Variants in TAFA4 observed in about 807,000 individuals in gnomAD.
TAFA4 encodes chemokine-like protein TAFA-4.
A neutral mutation model predicts 21.1 loss-of-function variants in TAFA4; 20 were observed. The observed-to-expected ratio is 0.95, with a 90% CI of 0.67 to 1.38. TAFA4 has a LOEUF of 1.38. Ranked by LOEUF, TAFA4 falls within the 40% of genes most tolerant of loss-of-function variation. TAFA4 has a pLI of 0.00. For synonymous variants in TAFA4, 71 were observed against 67.4 expected (o/e 1.05, Z -0.26); for missense variants, 211 against 180.9 (o/e 1.17, Z -0.95).
intron 3 of TAFA4, among the ~76,000 whole-genome samples, chr3:68,807,802 T>A (rs1339311405): frequency 6.6e-6 from 1 of 152,162 alleles, no homozygotes; most frequent in African/African-American, 2.4e-5. Context: ...TGTATTAAGT[T>A]CACCAACCTA....
At chr3:68,904,732 G>A (rs891965937) in intron 1 of TAFA4, among the ~76,000 whole-genome samples, 1 of 152,132 alleles carries the variant, frequency 6.6e-6, no homozygotes, top group South Asian at 2.1e-4. Flanking sequence ...ATCATCCACC[G>A]AAGGACAGGA....
chr3:68,758,030 C>CTAAT (rs1203751318), intron 3 of TAFA4, among the ~76,000 whole-genome samples: 2 of 152,042 alleles, frequency 1.3e-5, no homozygotes, highest in East Asian at 3.9e-4. Flanking sequence ...CAGAAATTAA[C>CTAAT]TAATTCACCC....
chr3:68,733,730 C>G (rs1251783890), intron 5 of TAFA4, among the ~76,000 whole-genome samples: 1 of 152,050 alleles, frequency 6.6e-6, no homozygotes, highest in Non-Finnish European at 1.5e-5. Flanking sequence ...AGTCAATATA[C>G]CAGCACAGGT....
chr3:68,885,737 C>G (rs1373936735), intron 1 of TAFA4, among the ~76,000 whole-genome samples: 1 of 152,116 alleles, frequency 6.6e-6, no homozygotes, highest in African/African-American at 2.4e-5. Context: ...ATCTGAATTC[C>G]TGGATTTGTG....
Position 68,884,643 on chromosome 3 carries a change from C to CATGCAAATTACCCAAGCATGCAATT in TAFA4, c.14+531_14+532insAATTGCATGCTTGGGTAATTTGCAT. ...TCCCAAGACATGCAATTTACCCAAG[C>CATGCAAATTACCCAAGCATGCAATT]TCACAGAGCAGTGAAAAAGCCAGCA... On this transcript the variant is annotated intron_variant, in intron 2 of 5. Coordinates refer to ENST00000295569, the MANE Select transcript of TAFA4 (RefSeq NM_182522.5). Among the ~76,000 whole-genome samples, 5 of 152,352 alleles carry CATGCAAATTACCCAAGCATGCAATT rather than the reference C, an allele frequency of 3.3e-5. No individual in the cohort carries two copies. The East Asian group carries it at 9.6e-4, about 29-fold the overall frequency.
chr3:68,831,566 G>A (rs1039508284), intron 3 of TAFA4, among the ~76,000 whole-genome samples: 7 of 152,014 alleles, frequency 4.6e-5, no homozygotes, highest in African/African-American at 7.2e-5. Flanking sequence ...TTAGTCTGAC[G>A]GGCTTCCCTT....
At chr3:68,903,918 T>C (rs1013105692) in intron 1 of TAFA4, among the ~76,000 whole-genome samples, 1 of 152,118 alleles carries the variant, frequency 6.6e-6, no homozygotes, top group Non-Finnish European at 1.5e-5. Flanking sequence ...CTTTCCTCCT[T>C]TCCATCCCAT....
intron 1 of TAFA4, among the ~76,000 whole-genome samples, chr3:68,895,789 A>T (rs2089782374): frequency 6.6e-6 from 1 of 152,184 alleles, no homozygotes; most frequent in Non-Finnish European, 1.5e-5. Flanking sequence ...TGGAGCTTGC[A>T]TTATAGCATG....
intron 3 of TAFA4, among the ~76,000 whole-genome samples, chr3:68,848,343 G>C (rs755345218): frequency 6.6e-6 from 1 of 152,196 alleles, no homozygotes; most frequent in Non-Finnish European, 1.5e-5. Context: ...GAATCAGAGA[G>C]TGTCTTCTCT....
intron 3 of TAFA4, among the ~76,000 whole-genome samples, chr3:68,838,119 T>A (rs1051237971): frequency 2.6e-5 from 4 of 152,162 alleles, no homozygotes; most frequent in Non-Finnish European, 5.9e-5. Flanking sequence ...AACTATGTTG[T>A]ATTAGGTTGG....
intron 3 of TAFA4, among the ~76,000 whole-genome samples, chr3:68,824,337 G>A (rs1052116594): frequency 6.6e-6 from 1 of 152,170 alleles, no homozygotes; most frequent in Non-Finnish European, 1.5e-5. Flanking sequence ...GGCCCTAAGG[G>A]AAAATTATTT....
intron 3 of TAFA4, among the ~76,000 whole-genome samples, chr3:68,844,164 G>A (rs1704733291): frequency 6.6e-6 from 1 of 152,156 alleles, no homozygotes; most frequent in South Asian, 2.1e-4. Flanking sequence ...TTTTTGGTTG[G>A]TAGGCTATTA....
At chr3:68,844,797 G>A (rs1704746453) in intron 3 of TAFA4, among the ~76,000 whole-genome samples, 1 of 152,146 alleles carries the variant, frequency 6.6e-6, no homozygotes, top group South Asian at 2.1e-4. Context: ...TTCAGGAGCA[G>A]GCTGTTCAGT....
intron 1 of TAFA4, chr3:68,913,527 G>A (rs1174185548): frequency 6.6e-6 from 1 of 152,198 alleles, no homozygotes; most frequent in African/African-American, 2.4e-5. Flanking sequence ...GAAGGGGCAG[G>A]GAAAGGCTGC....
intron 5 of TAFA4, among the ~76,000 whole-genome samples, chr3:68,734,110 T>C (rs908188434): frequency 6.6e-6 from 1 of 152,174 alleles, no homozygotes; most frequent in South Asian, 2.1e-4. Flanking sequence ...AAAGTAGCCA[T>C]AGACAATAAA....
intron 3 of TAFA4, among the ~76,000 whole-genome samples, chr3:68,759,486 T>C (rs1702721029): frequency 6.6e-6 from 1 of 152,110 alleles, no homozygotes; most frequent in Admixed American, 6.5e-5. Flanking sequence ...CTTACTTACT[T>C]CTCTAAAAAG....
At chr3:68,829,198 G>A (rs1174296893) in intron 3 of TAFA4, among the ~76,000 whole-genome samples, 1 of 152,096 alleles carries the variant, frequency 6.6e-6, no homozygotes, top group African/African-American at 2.4e-5. Flanking sequence ...TACCAAAACA[G>A]ATATATAGAC....
intron 3 of TAFA4, among the ~76,000 whole-genome samples, chr3:68,866,651 TAAAAAAAAA>T (rs59878536): frequency 8.1e-5 from 1 of 12,396 alleles, no homozygotes; most frequent in African/African-American, 4.4e-4. Context: ...ATAGCAGTTC[TAAAAAAAAA>T]AAAAAAAAAA....
intron 4 of TAFA4, among the ~76,000 whole-genome samples, chr3:68,749,277 C>T (rs1702518156): frequency 6.6e-6 from 1 of 152,176 alleles, no homozygotes; most frequent in Non-Finnish European, 1.5e-5. Flanking sequence ...AGATAATTAT[C>T]TGTGGTGTGG....
Sources: allele counts gnomAD v4.1 joint callset (sites outside exome capture counted in the v4.1 genomes callset), GRCh38; gene constraint gnomAD v4.1.1; transcripts MANE v1.5; gene names NCBI Gene and HGNC (gene_info 2026-07-23, HGNC 2026-07-21).